The following MECOM variants were observed in gnomAD, a reference collection of about 807,000 sequenced individuals.
MECOM encodes MDS1 and EVI1 complex locus, also known as histone-lysine N-methyltransferase MECOM.
In MECOM, 13 loss-of-function variants were observed where a neutral mutation model predicts 116.3. The ratio of observed to expected loss-of-function variants is 0.11; its 90% confidence interval spans 0.07 to 0.18. MECOM has a LOEUF of 0.18. Ranked by LOEUF, MECOM falls within the 10% of genes least tolerant of loss-of-function variation. The probability of loss-of-function intolerance (pLI) is 1.00; values close to 1 mark genes in which losing one functional copy is unlikely to be tolerated. For missense variants in MECOM, 1,299 were observed against 1,509.0 expected (o/e 0.86, Z 2.31); for synonymous variants, 528 against 535.2 (o/e 0.99, Z 0.19).
chr3:169,301,935 T>C lies in MECOM; in HGVS notation c.375+79252A>G, dbSNP rs1458999785. ...GAGGGGGGCTTAGCACTGACATCAG[T>C]GCAGCTTGTTTAAATACCCAGATGA... On this transcript the variant is annotated intron_variant, in intron 2 of 16. Transcript: ENST00000651503. Among the ~76,000 whole-genome samples the C allele has an allele frequency of 2.6e-5, 4 of 152,286 alleles. No homozygotes were observed. In the East Asian group the frequency reaches 7.7e-4, roughly 29 times the overall value.
chr3:169,191,359 G>A (rs565606715), intron 2 of MECOM, among the ~76,000 whole-genome samples: 20 of 143,998 alleles, frequency 1.4e-4, no homozygotes, highest in Non-Finnish European at 2.8e-4. Context: ...CCTGGACCAG[G>A]GATGGGGGTG....
intron 1 of MECOM, among the ~76,000 whole-genome samples, chr3:169,417,511 G>A (rs1456915712): frequency 6.6e-6 from 1 of 151,998 alleles, no homozygotes. Context: ...CTGTTGGTGG[G>A]ACTGTAAACT....
chr3:169,583,006 T>G (rs56197629), intron 1 of MECOM, among the ~76,000 whole-genome samples: 9,536 of 152,144 alleles, frequency 0.063, 377 homozygotes, highest in Non-Finnish European at 0.079. Flanking sequence ...AACAAATGAA[T>G]AAAGGAAAGG....
intron 2 of MECOM, among the ~76,000 whole-genome samples, chr3:169,321,177 A>G (rs1268141060): frequency 6.6e-6 from 1 of 152,238 alleles, no homozygotes; most frequent in Non-Finnish European, 1.5e-5. Flanking sequence ...AACTTATTGG[A>G]CAAAAAATAT....
At chr3:169,210,349 A>C (rs1193600450) in intron 2 of MECOM, among the ~76,000 whole-genome samples, 3 of 152,202 alleles carry the variant, frequency 2.0e-5, no homozygotes, top group African/African-American at 7.2e-5. Context: ...AAAGAAAAAT[A>C]AAAACAAACA....
chr3:169,543,380 G>A (rs1172368244), intron 1 of MECOM, among the ~76,000 whole-genome samples: 1 of 152,184 alleles, frequency 6.6e-6, no homozygotes, highest in African/African-American at 2.4e-5. Context: ...TCTAGACCAG[G>A]CCTGGGTAAC....
At chr3:169,434,969 C>A (rs563828334) in intron 1 of MECOM, among the ~76,000 whole-genome samples, 1 of 152,208 alleles carries the variant, frequency 6.6e-6, no homozygotes, top group South Asian at 2.1e-4. Flanking sequence ...GGAATGTATT[C>A]ATTAGGCTAG....
At chr3:169,133,742 G>A (rs1302462961) in intron 3 of MECOM, among the ~76,000 whole-genome samples, 6 of 152,094 alleles carry the variant, frequency 3.9e-5, no homozygotes, top group African/African-American at 9.7e-5. Flanking sequence ...GAAGTACACT[G>A]AGAACAGTTC....
At chr3:169,420,183 T>C (rs1004963502) in intron 1 of MECOM, among the ~76,000 whole-genome samples, 4 of 152,152 alleles carry the variant, frequency 2.6e-5, no homozygotes, top group African/African-American at 7.2e-5. Flanking sequence ...AGTTCAACCA[T>C]TGTGGAAGAC....
intron 2 of MECOM, among the ~76,000 whole-genome samples, chr3:169,279,014 G>A (rs1479833066): frequency 1.3e-5 from 2 of 152,196 alleles, no homozygotes; most frequent in South Asian, 4.1e-4. Context: ...GAATGAAAGG[G>A]ATAAAAACTA....
At chr3:169,454,043 T>C (rs1481173062) in intron 1 of MECOM, among the ~76,000 whole-genome samples, 1 of 152,152 alleles carries the variant, frequency 6.6e-6, no homozygotes, top group Non-Finnish European at 1.5e-5. Flanking sequence ...TCCACCCTCC[T>C]CCATCACCCA....
intron 1 of MECOM, among the ~76,000 whole-genome samples, chr3:169,532,665 T>C (rs1303658788): frequency 6.6e-6 from 1 of 152,182 alleles, no homozygotes; most frequent in African/African-American, 2.4e-5. Context: ...AAATCCAGCA[T>C]GAATCTAATT....
chr3:169,500,106 AG>A (rs1166299154), intron 1 of MECOM, among the ~76,000 whole-genome samples: 2 of 152,054 alleles, frequency 1.3e-5, no homozygotes, highest in Non-Finnish European at 2.9e-5. Flanking sequence ...AGTAGGATAA[AG>A]GAAGAAGGTT....
chr3:169,414,166 C>T (rs1446607273), intron 1 of MECOM, among the ~76,000 whole-genome samples: 1 of 152,176 alleles, frequency 6.6e-6, no homozygotes, highest in African/African-American at 2.4e-5. Flanking sequence ...GGGTGCCCCC[C>T]TGGTATGAAG....
intron 2 of MECOM, among the ~76,000 whole-genome samples, chr3:169,297,633 A>T (rs1715868816): frequency 6.6e-6 from 1 of 150,890 alleles, no homozygotes; most frequent in Non-Finnish European, 1.5e-5. Context: ...GGTAATTATT[A>T]AAAAAATATT....
chr3:169,584,551 C>T (rs1235661147), intron 1 of MECOM, among the ~76,000 whole-genome samples: 1 of 123,892 alleles, frequency 8.1e-6, no homozygotes, highest in African/African-American at 3.3e-5. Context: ...GGCGAAAGAG[C>T]GAAACTCCAC....
At chr3:169,098,560 G>C (rs754570561) in intron 12 of MECOM, among the ~76,000 whole-genome samples, 27 of 152,168 alleles carry the variant, frequency 1.8e-4, no homozygotes, top group Non-Finnish European at 3.2e-4. Context: ...GGATAAGGTA[G>C]TATCTGCCAG....
At chr3:169,146,735 A>G in intron 2 of MECOM, 3 of 1,211,686 alleles carry the variant, frequency 2.5e-6, no homozygotes, top group South Asian at 1.5e-5. Context: ...TTAGATTTCT[A>G]TGGCCTCAAC....
chr3:169,290,209 G>A (rs888916271), intron 2 of MECOM, among the ~76,000 whole-genome samples: 1 of 152,024 alleles, frequency 6.6e-6, no homozygotes, highest in Non-Finnish European at 1.5e-5. Context: ...TGTTAATAAA[G>A]TCTCTGTACA....
Sources: allele counts gnomAD v4.1 joint callset (sites outside exome capture counted in the v4.1 genomes callset), GRCh38; gene constraint gnomAD v4.1.1; transcripts MANE v1.5; gene names NCBI Gene and HGNC (gene_info 2026-07-23, HGNC 2026-07-21).